Variants in PRTFDC1 observed in about 807,000 individuals in gnomAD.
PRTFDC1 encodes the protein phosphoribosyl transferase domain containing 1.
PRTFDC1 carries 38 observed loss-of-function variants against 34.6 expected under a neutral mutation model. The ratio of observed to expected loss-of-function variants is 1.10; its 90% CI spans 0.85 to 1.44. PRTFDC1 has a LOEUF of 1.44. PRTFDC1 is among the 40% of genes most tolerant of loss of function. The pLI, the probability that PRTFDC1 is intolerant of heterozygous loss-of-function variation, is 0.00. For synonymous variants in PRTFDC1, 93 were observed against 98.1 expected (o/e 0.95, Z 0.31); for missense variants, 270 against 283.0 (o/e 0.95, Z 0.33).
intron 4 of PRTFDC1, among the ~76,000 whole-genome samples, chr10:24,859,663 A>C (rs183366203): frequency 1.3e-5 from 2 of 152,248 alleles, no homozygotes; most frequent in African/African-American, 4.8e-5. Flanking sequence ...TCTCTTTATA[A>C]ATTACCCAGT....
At chr10:24,864,085 G>A (rs902906731) in intron 4 of PRTFDC1, among the ~76,000 whole-genome samples, 2 of 151,198 alleles carry the variant, frequency 1.3e-5, no homozygotes, top group African/African-American at 2.4e-5. Context: ...AAGAGAAACT[G>A]AATTAGAAGT....
At chr10:24,858,787 A>G (rs1177679079) in intron 4 of PRTFDC1, among the ~76,000 whole-genome samples, 1 of 152,154 alleles carries the variant, frequency 6.6e-6, no homozygotes, top group East Asian at 1.9e-4. Context: ...CTGCATTGCT[A>G]ATGGAGACCG....
rs769247699 is a variant in PRTFDC1 at position 24,880,827 on chromosome 10, C to CTTTCTTTCT, written c.340-8773_340-8765dup. On this transcript the variant is annotated intron_variant, in intron 3 of 8. Coordinates refer to ENST00000320152, the MANE Select transcript of PRTFDC1 (RefSeq NM_020200.7). ...TTACTGTCTTTCTCTTTCTTTCTTT[C>CTTTCTTTCT]TTTCTTTCTTTCTTTCTTTCTTTCT... 4.6e-3 allele frequency among the ~76,000 whole-genome samples: 581 copies of CTTTCTTTCT among 127,328 alleles called. 2 individuals carry two copies. Among genetic ancestry groups the CTTTCTTTCT allele is most frequent in the East Asian group, 0.01 (49 of 4,792 alleles). 83.5% of individuals were successfully genotyped at this position (127,328 alleles called of 152,430 possible).
intron 1 of PRTFDC1, among the ~76,000 whole-genome samples, chr10:24,950,032 C>A (rs1441429002): frequency 6.6e-6 from 1 of 152,102 alleles, no homozygotes; most frequent in African/African-American, 2.4e-5. Flanking sequence ...CCTCACCTGG[C>A]CCTCTACTCT....
At chr10:24,950,468 T>C (rs1445225233) in intron 1 of PRTFDC1, among the ~76,000 whole-genome samples, 3 of 152,162 alleles carry the variant, frequency 2.0e-5, no homozygotes, top group Non-Finnish European at 2.9e-5. Context: ...ATTTTTGGAT[T>C]AGGGATGCTC....
At chr10:24,853,324 A>G (rs1203766817) in intron 7 of PRTFDC1, among the ~76,000 whole-genome samples, 1 of 151,996 alleles carries the variant, frequency 6.6e-6, no homozygotes. Context: ...AAAAAGAAAA[A>G]AAAAAGGTAA....
intron 4 of PRTFDC1, among the ~76,000 whole-genome samples, chr10:24,866,373 A>G (rs1283241170): frequency 6.7e-6 from 1 of 150,294 alleles, no homozygotes; most frequent in African/African-American, 2.4e-5. Context: ...AAAAAAAAAA[A>G]AAAAAAAGAA....
chr10:24,885,284 A>T (rs1848147072), intron 3 of PRTFDC1, among the ~76,000 whole-genome samples: 1 of 152,238 alleles, frequency 6.6e-6, no homozygotes, highest in African/African-American at 2.4e-5. Flanking sequence ...CACATTAGTA[A>T]GCACATTACT....
rs771111237 is a variant in PRTFDC1, at chr10:24,908,548, G to A, written c.339+28636C>T. The A allele has an allele frequency of 2.5e-6, 4 of 1,612,794 alleles. No homozygotes were observed. The African/African-American group carries it at 4.0e-5, about 16-fold the overall frequency. ...GTAACTGAAACCGGATGTGGAAACAGGGAATGAGCACTTGGAGGTAACCTC... is the reference window on the plus strand; with the variant it reads ...GTAACTGAAACCGGATGTGGAAACAAGGAATGAGCACTTGGAGGTAACCTC... On this transcript the variant is annotated intron_variant, in intron 3 of 8. Coordinates refer to ENST00000320152, the MANE Select transcript of PRTFDC1 (RefSeq NM_020200.7).
intron 3 of PRTFDC1, among the ~76,000 whole-genome samples, chr10:24,903,984 G>A (rs1429239711): frequency 1.3e-5 from 2 of 151,918 alleles, no homozygotes; most frequent in African/African-American, 2.4e-5. Flanking sequence ...CTACTGCACC[G>A]AGCTGGAGTT....
rs998216892 is a variant in PRTFDC1, at chr10:24,925,752, C to T, written c.339+11432G>A. Among the ~76,000 whole-genome samples, 3 of 152,184 alleles carry T rather than the reference C, an allele frequency of 2.0e-5. No individual in the cohort carries two copies. The South Asian group carries it at 6.2e-4, about 31-fold the overall frequency. On this transcript the variant is annotated intron_variant, in intron 3 of 8. Coordinates refer to ENST00000320152, the MANE Select transcript of PRTFDC1 (RefSeq NM_020200.7). ...TAGTTTCCAGCTTCCTCCCTCCTAA[C>T]TGTTAAGTCACTTGCTCCCTATCCT... is the stretch of plus-strand genomic sequence containing the variant.
At chr10:24,856,371 G>A (rs1651660070) in intron 6 of PRTFDC1, among the ~76,000 whole-genome samples, 2 of 151,948 alleles carry the variant, frequency 1.3e-5, no homozygotes, top group African/African-American at 4.8e-5. Context: ...CAGATCACTT[G>A]AGGTCAGGAG....
intron 3 of PRTFDC1, among the ~76,000 whole-genome samples, chr10:24,874,316 G>C (rs1003702832): frequency 6.6e-6 from 1 of 152,116 alleles, no homozygotes; most frequent in Non-Finnish European, 1.5e-5. Context: ...ATATTCACAA[G>C]TAGTCATGAC....
At chr10:24,925,530 T>G (rs913298024) in intron 3 of PRTFDC1, among the ~76,000 whole-genome samples, 1 of 152,214 alleles carries the variant, frequency 6.6e-6, no homozygotes, top group Non-Finnish European at 1.5e-5. Context: ...TATGTATTTA[T>G]TAGCAGCATG....
chr10:24,856,796 G>T, intron 6 of PRTFDC1, 117 bp downstream of exon 6: 1 of 936,372 alleles, frequency 1.1e-6, no homozygotes, highest in Non-Finnish European at 1.7e-6. Flanking sequence ...TACCCCAGGG[G>T]AAAAGGTCAC....
intron 3 of PRTFDC1, among the ~76,000 whole-genome samples, chr10:24,931,159 A>T (rs2132598574): frequency 6.6e-6 from 1 of 152,176 alleles, no homozygotes; most frequent in East Asian, 1.9e-4. Context: ...CAATGAGTGA[A>T]AGAGGAAATT....
At chr10:24,894,689 A>G (rs1458621699) in intron 3 of PRTFDC1, among the ~76,000 whole-genome samples, 1 of 152,216 alleles carries the variant, frequency 6.6e-6, no homozygotes, top group African/African-American at 2.4e-5. Context: ...GACATCACTT[A>G]AAATGTTTCA....
intron 4 of PRTFDC1, among the ~76,000 whole-genome samples, chr10:24,864,532 T>G (rs1344156657): frequency 6.6e-6 from 1 of 152,194 alleles, no homozygotes. Context: ...AGCAAAAAGA[T>G]GATGACTCAC....
At chr10:24,935,558 G>C (rs1226685642) in intron 3 of PRTFDC1, among the ~76,000 whole-genome samples, 3 of 152,194 alleles carry the variant, frequency 2.0e-5, no homozygotes, top group African/African-American at 7.2e-5. Context: ...TGGCCCTGAA[G>C]ACCGCTGTCC....
Sources: allele counts gnomAD v4.1 joint callset (sites outside exome capture counted in the v4.1 genomes callset), GRCh38; gene constraint gnomAD v4.1.1; transcripts MANE v1.5; gene names NCBI Gene and HGNC (gene_info 2026-07-23, HGNC 2026-07-21).